Variants in DYNC1I2 observed in about 807,000 individuals in gnomAD.
DYNC1I2 encodes cytoplasmic dynein 1 intermediate chain 2.
Under a neutral mutation model 88.6 loss-of-function variants are expected in DYNC1I2, and 53 were observed. That is an observed-to-expected ratio of 0.60 (90% confidence interval 0.48 to 0.75). DYNC1I2 has a LOEUF of 0.75. DYNC1I2 is among the 30% of genes least tolerant of loss of function. The probability of loss-of-function intolerance (pLI) is 0.00; values close to 1 mark genes in which losing one functional copy is unlikely to be tolerated. For missense variants in DYNC1I2, 458 were observed against 766.6 expected (o/e 0.60, Z 4.75); for synonymous variants, 198 against 254.6 (o/e 0.78, Z 2.12).
chr2:171,713,956 T>A (rs1448227374), intron 6 of DYNC1I2, among the ~76,000 whole-genome samples: 1 of 152,182 alleles, frequency 6.6e-6, no homozygotes, highest in African/African-American at 2.4e-5. Flanking sequence ...CTTGGAATAT[T>A]TCGTTTGTTT....
chr2:171,747,207 TTATA>T lies in DYNC1I2; in HGVS notation c.1804-547_1804-544del, dbSNP rs67834157. On this transcript the variant is annotated intron_variant, in intron 17 of 17. Coordinates refer to ENST00000397119, the MANE Select transcript of DYNC1I2 (RefSeq NM_001378.3). ...GGACTGTCTCAAAAAAAAAAAAAAA[TTATA>T]TATATATATATATATATATATGTTA... is the stretch of plus-strand genomic sequence containing the variant. Among the ~76,000 whole-genome samples, 90 of 124,660 alleles carry T rather than the reference TTATA, an allele frequency of 7.2e-4. 1 individual carries two copies. The highest frequency in any genetic ancestry group is 1.2e-3 in the Admixed American group (14 of 11,654). The allele number at this position is 124,660 out of a possible 152,430, so 81.8% of individuals were successfully genotyped here. A position where few individuals can be genotyped will look rare whatever the true frequency, so the allele number is the denominator to read the frequency against.
intron 3 of DYNC1I2, among the ~76,000 whole-genome samples, chr2:171,705,002 C>T (rs1433814994): frequency 1.3e-5 from 2 of 152,008 alleles, no homozygotes; most frequent in Non-Finnish European, 2.9e-5. Flanking sequence ...TTTATAGAGT[C>T]TTTTCCATCA....
At chr2:171,691,997 C>T (rs183386357) in intron 2 of DYNC1I2, among the ~76,000 whole-genome samples, 10 of 152,052 alleles carry the variant, frequency 6.6e-5, no homozygotes, top group Non-Finnish European at 5.9e-5. Flanking sequence ...ACTTTTAAGT[C>T]AAAATGGCAT....
chr2:171,729,508 C>T (rs1688467204), intron 14 of DYNC1I2, among the ~76,000 whole-genome samples: 1 of 152,122 alleles, frequency 6.6e-6, no homozygotes. Flanking sequence ...TTTACAGTTC[C>T]AAAGGTACTT....
intron 3 of DYNC1I2, among the ~76,000 whole-genome samples, chr2:171,693,693 G>A (rs1685552365): frequency 6.6e-6 from 1 of 152,158 alleles, no homozygotes; most frequent in Admixed American, 6.5e-5. Flanking sequence ...ACTGTCCTTA[G>A]AGCTGATATT....
intron 15 of DYNC1I2, among the ~76,000 whole-genome samples, chr2:171,734,564 A>G (rs966709337): frequency 2.0e-5 from 3 of 152,178 alleles, no homozygotes; most frequent in African/African-American, 2.4e-5. Context: ...TGCCCCCAAC[A>G]TCCCTCCAGT....
In DYNC1I2 at chr2:171,747,762, C is replaced by G; in HGVS notation, c.1804-14C>G. 1 of 1,569,404 alleles carries G rather than the reference C, an allele frequency of 6.4e-7. No individual in the cohort carries two copies. The highest frequency in any genetic ancestry group is 1.7e-5 in the Admixed American group (1 of 58,858). On this transcript the variant is annotated splice_polypyrimidine_tract_variant and intron_variant, in intron 17 of 17. Coordinates refer to ENST00000397119, the MANE Select transcript of DYNC1I2 (RefSeq NM_001378.3). Reference sequence around the variant, plus strand: ...TATTTCATTGTATATAAAACATTGTCTTTCTTTTAACAGCAGATTGCTGTT... The same window carrying G: ...TATTTCATTGTATATAAAACATTGTGTTTCTTTTAACAGCAGATTGCTGTT...
intron 3 of DYNC1I2, among the ~76,000 whole-genome samples, chr2:171,698,231 G>A (rs1685932042): frequency 6.6e-6 from 1 of 152,090 alleles, no homozygotes; most frequent in African/African-American, 2.4e-5. Flanking sequence ...GCATTTATTG[G>A]CTAAAGCTCT....
At chr2:171,737,805 ATT>A (rs71921844) in intron 15 of DYNC1I2, among the ~76,000 whole-genome samples, 5 of 147,420 alleles carry the variant, frequency 3.4e-5, no homozygotes, top group African/African-American at 5.0e-5. Context: ...TGAGTAGATG[ATT>A]TTTTTTTTTT....
At position 171,712,032 on chromosome 2, in the gene DYNC1I2, A is replaced by G. The variant is rs549189755; in HGVS notation, c.336-735A>G. 3.9e-5 allele frequency among the ~76,000 whole-genome samples: 6 copies of G among 152,362 alleles called. No homozygotes were observed. In the South Asian group the frequency reaches 1.2e-3, roughly 32 times the overall value. On this transcript the variant is annotated intron_variant, in intron 5 of 17. Transcript: ENST00000397119. ...AAGATCCTCTGTAAGTTACTTAGCC[A>G]GCAGGCGATGCTAAAACTTATAACT... is the stretch of plus-strand genomic sequence containing the variant.
chr2:171,711,038 G>GTGATGTTCTCCCTCA (rs1305438199), intron 5 of DYNC1I2, among the ~76,000 whole-genome samples: 1 of 144,866 alleles, frequency 6.9e-6, no homozygotes, highest in Non-Finnish European at 1.5e-5. Context: ...CCCACGACAG[G>GTGATGTTCTCCCTCA]CCCCGGTATG....
chr2:171,742,067 GA>G (rs71013069), intron 15 of DYNC1I2, among the ~76,000 whole-genome samples: 63,792 of 130,706 alleles, frequency 0.49, 16,143 homozygotes, highest in East Asian at 0.66. Context: ...CGCGGTCTCA[GA>G]AAAAAAAAAA....
chr2:171,725,882 A>C, intron 8 of DYNC1I2, 37 bp from the exon 9 acceptor site: 1 of 1,538,344 alleles, frequency 6.5e-7, no homozygotes, highest in South Asian at 1.3e-5. Flanking sequence ...GATTTGCCTG[A>C]CATAAATCAT....
intron 1 of DYNC1I2, chr2:171,687,889 T>G (rs1385622027): frequency 6.6e-6 from 1 of 152,336 alleles, no homozygotes; most frequent in Non-Finnish European, 1.5e-5. Flanking sequence ...TTGACTGTTC[T>G]TCCCTCAAGG....
chr2:171,719,937 C>T (rs1324131382), intron 7 of DYNC1I2, among the ~76,000 whole-genome samples: 1 of 152,032 alleles, frequency 6.6e-6, no homozygotes, highest in Admixed American at 6.5e-5. Context: ...CCCACAGATA[C>T]ACTCCTGGAA....
At chr2:171,726,480 A>G (rs1002688591) in intron 10 of DYNC1I2, 187 bp downstream of exon 10, 2 of 563,214 alleles carry the variant, frequency 3.6e-6, no homozygotes, top group Middle Eastern at 4.9e-4. Flanking sequence ...AGCATTATTT[A>G]TATTTAAAAT....
chr2:171,743,538 G>C lies in DYNC1I2; in HGVS notation c.1537-511G>C, dbSNP rs550091348. Among the ~76,000 whole-genome samples, 17 of 152,278 alleles carry C rather than the reference G, an allele frequency of 1.1e-4. No homozygotes were observed. The East Asian group carries it at 3.3e-3, about 29-fold the overall frequency. On this transcript the variant is annotated intron_variant, in intron 15 of 17. Coordinates refer to ENST00000397119, the MANE Select transcript of DYNC1I2 (RefSeq NM_001378.3). ...TGTTCTCCACCTGTCAGAAGTTCTC[G>C]TGCCTTCCTTCATCTTCTTCCCACA...
chr2:171,729,858 C>T lies in DYNC1I2; in HGVS notation c.1536+5C>T, dbSNP rs1188433317. The T allele has an allele frequency of 6.2e-7, 1 of 1,613,366 alleles. No individual in the cohort carries two copies. Among genetic ancestry groups the T allele is most frequent in the East Asian group, 2.2e-5 (1 of 44,862 alleles). On this transcript the variant is annotated splice_donor_5th_base_variant and intron_variant, in intron 15 of 17. Coordinates refer to ENST00000397119, the MANE Select transcript of DYNC1I2 (RefSeq NM_001378.3). ...GTAAAGCTTTGGACAACTAAGGTATCTAAAATATAGATGTCTGCTATTTGC... is the reference window on the plus strand; with the variant it reads ...GTAAAGCTTTGGACAACTAAGGTATTTAAAATATAGATGTCTGCTATTTGC...
At position 171,726,853 on chromosome 2, in the gene DYNC1I2, T is replaced by C. The variant is rs1407162164; in HGVS notation, c.933T>C (p.Gly311=). The C allele has an allele frequency of 6.2e-7, 1 of 1,613,156 alleles. No individual in the cohort carries two copies. Among genetic ancestry groups the C allele is most frequent in the Non-Finnish European group, 8.5e-7 (1 of 1,179,368 alleles). Residue 311 remains glycine, a synonymous_variant, in exon 11 of 18, where the codon GGT becomes GGC. Coordinates refer to ENST00000397119, the MANE Select transcript of DYNC1I2 (RefSeq NM_001378.3). ...NNEDAPHEPD[G]VALVWNMKYK... ...AAGATGCCCCTCATGAGCCTGATGG[T>C]GTGGCCCTTGTATGGAATATGAAAT...
Sources: allele counts gnomAD v4.1 joint callset (sites outside exome capture counted in the v4.1 genomes callset), GRCh38; gene constraint gnomAD v4.1.1; transcripts MANE v1.5; gene names NCBI Gene and HGNC (gene_info 2026-07-23, HGNC 2026-07-21).